Variants in YME1L1 observed in about 807,000 individuals in gnomAD.
YME1L1 encodes YME1 like 1 ATPase.
Under a neutral mutation model 90.4 loss-of-function variants are expected in YME1L1, and 39 were observed. The ratio of observed to expected loss-of-function variants is 0.43; its 90% CI spans 0.33 to 0.56. The LOEUF (loss-of-function observed/expected upper bound fraction) is 0.56, where lower values mean the gene tolerates loss of function less well. Among genes scored for constraint, YME1L1 ranks in the 20% least tolerant of loss-of-function variants. The probability of loss-of-function intolerance (pLI) is 0.03; values close to 1 mark genes in which losing one functional copy is unlikely to be tolerated. For synonymous variants in YME1L1, 284 were observed against 287.3 expected (o/e 0.99, Z 0.12); for missense variants, 617 against 868.4 (o/e 0.71, Z 3.64).
intron 13 of YME1L1, 36 bp downstream of exon 13, chr10:27,120,399 T>C (rs765052210): frequency 4.0e-6 from 6 of 1,510,556 alleles, no homozygotes; most frequent in Non-Finnish European, 4.6e-6. Flanking sequence ...ATATTACCAC[T>C]TTACAGAAAT....
At chr10:27,114,416 G>T in intron 18 of YME1L1, 105 bp downstream of exon 18, 2 of 757,294 alleles carry the variant, frequency 2.6e-6, no homozygotes, top group Non-Finnish European at 4.1e-6. Flanking sequence ...TTTATAAAAT[G>T]ATGTTTCTAG....
rs763721829 is a variant in YME1L1, at chr10:27,145,409, A to C, written c.331+19T>G. Reference sequence around the variant, plus strand: ...TAGTGCTAAAATATTTAATTGGAACAAAAAACACATTAACATACCATATTT... The same window carrying C: ...TAGTGCTAAAATATTTAATTGGAACCAAAAACACATTAACATACCATATTT... On this transcript the variant is annotated intron_variant, in intron 3 of 18. Coordinates refer to ENST00000376016, the MANE Select transcript of YME1L1 (RefSeq NM_014263.4). 1.9e-6 allele frequency: 3 copies of C among 1,569,450 alleles called. No homozygotes were observed. In the African/African-American group the frequency reaches 4.1e-5, roughly 21 times the overall value.
At chr10:27,149,909 A>G (rs2057192262) in intron 1 of YME1L1, among the ~76,000 whole-genome samples, 2 of 151,668 alleles carry the variant, frequency 1.3e-5, no homozygotes, top group East Asian at 3.9e-4. Flanking sequence ...TCCCATCGCC[A>G]CTAAAAATAC....
At chr10:27,124,842 A>C (rs2056900960) in intron 9 of YME1L1, among the ~76,000 whole-genome samples, 1 of 152,062 alleles carries the variant, frequency 6.6e-6, no homozygotes, top group African/African-American at 2.4e-5. Context: ...TTTTCTCATG[A>C]TTGTATTGAG....
intron 9 of YME1L1, among the ~76,000 whole-genome samples, chr10:27,124,682 A>G (rs1055772583): frequency 6.6e-6 from 1 of 152,084 alleles, no homozygotes; most frequent in Admixed American, 6.6e-5. Flanking sequence ...TACTACTCAA[A>G]TTTTCTACAA....
chr10:27,118,317 T>TGTACCCCAGGCTGGAATACAGTGGCATG (rs1564456021), intron 14 of YME1L1, among the ~76,000 whole-genome samples: 3 of 152,104 alleles, frequency 2.0e-5, no homozygotes, highest in African/African-American at 7.2e-5. Flanking sequence ...AAACAGGGTC[T>TGTACCCCAGGCTGGAATACAGTGGCATG]GTAACCCAGG....
intron 5 of YME1L1, among the ~76,000 whole-genome samples, chr10:27,135,687 G>A (rs1190505979): frequency 6.6e-6 from 1 of 152,210 alleles, no homozygotes; most frequent in Non-Finnish European, 1.5e-5. Context: ...GGTGAGAAGA[G>A]AAACATGGCA....
intron 18 of YME1L1, among the ~76,000 whole-genome samples, chr10:27,112,462 C>A (rs2056768203): frequency 6.6e-6 from 1 of 152,128 alleles, no homozygotes; most frequent in Non-Finnish European, 1.5e-5. Flanking sequence ...GAATGCATTC[C>A]CTAAGCCCTC....
At chr10:27,147,921 T>C (rs2057163958) in intron 2 of YME1L1, among the ~76,000 whole-genome samples, 1 of 152,120 alleles carries the variant, frequency 6.6e-6, no homozygotes, top group Non-Finnish European at 1.5e-5. Context: ...ACTTCCCAGA[T>C]TTCTAGCACG....
rs1280655993 is a variant in YME1L1, at chr10:27,136,358, G to A, written c.458C>T (p.Thr153Ile). Residue 153 changes from threonine to isoleucine, a missense_variant, in exon 5 of 19, where the codon ACT becomes ATT. Thr to Ile is a moderately conservative substitution (Grantham distance 89). Around this residue, in one of 4 missense-constraint regions of YME1L1, gnomAD observed 311 missense variants for 335.8 expected, o/e 0.93. Coordinates refer to ENST00000376016, the MANE Select transcript of YME1L1 (RefSeq NM_014263.4). The part of the protein sequence containing the change: ...PVFIQSRGFK[T>I]LKSRTRRLQS... ...GAGACGTCGTGTCCTTGATTTCAAAGTTTTAAAACCCCGAGACTGTATGAA... is the reference window on the plus strand; with the variant it reads ...GAGACGTCGTGTCCTTGATTTCAAAATTTTAAAACCCCGAGACTGTATGAA... The A allele has an allele frequency of 6.2e-7, 1 of 1,613,442 alleles. No individual in the cohort carries two copies. Among genetic ancestry groups the A allele is most frequent in the Admixed American group, 1.7e-5 (1 of 59,934 alleles).
intron 1 of YME1L1, among the ~76,000 whole-genome samples, chr10:27,149,513 CAG>C (rs2057185239): frequency 2.0e-5 from 3 of 151,632 alleles, no homozygotes; most frequent in African/African-American, 7.3e-5. Flanking sequence ...AGTTCAAGAC[CAG>C]CCTGACCAAC....
At chr10:27,150,508 G>GTCA (rs2057199648) in intron 1 of YME1L1, among the ~76,000 whole-genome samples, 1 of 152,116 alleles carries the variant, frequency 6.6e-6, no homozygotes, top group African/African-American at 2.4e-5. Flanking sequence ...CAAGATACAG[G>GTCA]TCATAAAGAC....
intron 8 of YME1L1, 115 bp from the exon 9 acceptor site, chr10:27,126,901 TTC>T: frequency 3.3e-6 from 2 of 611,184 alleles, no homozygotes; most frequent in Middle Eastern, 3.4e-4. Context: ...TAACCTGACC[TTC>T]TCTGTTTCAG....
chr10:27,124,939 G>A (rs1450662151), intron 9 of YME1L1, among the ~76,000 whole-genome samples: 3 of 152,118 alleles, frequency 2.0e-5, no homozygotes, highest in African/African-American at 7.2e-5. Flanking sequence ...AGTACATGAT[G>A]TTGATAAGGC....
intron 17 of YME1L1, among the ~76,000 whole-genome samples, chr10:27,115,717 G>A (rs1426186592): frequency 6.6e-6 from 1 of 152,060 alleles, no homozygotes; most frequent in East Asian, 1.9e-4. Flanking sequence ...GTGCTTCAAG[G>A]AACAATGACA....
chr10:27,133,293 G>A (rs2056994945), intron 7 of YME1L1, among the ~76,000 whole-genome samples: 1 of 152,136 alleles, frequency 6.6e-6, no homozygotes, highest in Non-Finnish European at 1.5e-5. Context: ...GATCAATTTT[G>A]GAGAACTATT....
chr10:27,145,336 C>A, intron 3 of YME1L1, 92 bp downstream of exon 3: 3 of 1,083,814 alleles, frequency 2.8e-6, no homozygotes, highest in Non-Finnish European at 2.4e-6. Context: ...ACCCAGCCCA[C>A]AATAAACGCT....
At chr10:27,129,637 A>G (rs912723011) in intron 8 of YME1L1, among the ~76,000 whole-genome samples, 2 of 152,216 alleles carry the variant, frequency 1.3e-5, no homozygotes, top group African/African-American at 4.8e-5. Context: ...CAAATGTAAT[A>G]GAGCAGATAT....
In YME1L1 at chr10:27,114,450, A is replaced by G. The variant is rs2056791086; in HGVS notation, c.2007+71T>C. 8 of 1,282,596 alleles carry G rather than the reference A, an allele frequency of 6.2e-6. No homozygotes were observed. The East Asian group carries it at 1.4e-4, about 23-fold the overall frequency. The allele number at this position is 1,282,596 out of a possible 1,614,324, so 79.5% of individuals were successfully genotyped here. ...AGTGAACAGAGGGCCTTCAGCTGTTATTTTTTAAGAACCTGACTATTTAAG... is the reference window on the plus strand; with the variant it reads ...AGTGAACAGAGGGCCTTCAGCTGTTGTTTTTTAAGAACCTGACTATTTAAG... On this transcript the variant is annotated intron_variant, in intron 18 of 18. Coordinates refer to ENST00000376016, the MANE Select transcript of YME1L1 (RefSeq NM_014263.4).
Sources: gnomAD v4.1 joint callset for allele counts (sites outside exome capture counted in the v4.1 genomes callset) on GRCh38, gnomAD v4.1.1 for gene constraint, gnomAD v4.1.1 regional missense constraint, MANE v1.5 for transcripts, NCBI Gene and HGNC (gene_info 2026-07-23, HGNC 2026-07-21) for gene names.